UBE3C: variants seen among roughly 807,000 people sequenced by gnomAD.
The protein encoded by UBE3C is ubiquitin protein ligase E3C.
UBE3C carries 42 observed loss-of-function variants against 129.4 expected under a neutral mutation model. The observed-to-expected ratio is 0.32, with a 90% confidence interval of 0.25 to 0.42. The LOEUF is 0.42. UBE3C is among the 10% of genes least tolerant of loss of function. UBE3C has a pLI of 1.00. For missense variants in UBE3C, 1,049 were observed against 1,319.1 expected (o/e 0.80, Z 3.17); for synonymous variants, 510 against 492.4 (o/e 1.04, Z -0.47).
intron 1 of UBE3C, among the ~76,000 whole-genome samples, chr7:157,160,571 A>T (rs1228038226): frequency 6.6e-6 from 1 of 152,214 alleles, no homozygotes; most frequent in Non-Finnish European, 1.5e-5. Context: ...GGTACCAAGT[A>T]GTAGTTCATT....
intron 13 of UBE3C, among the ~76,000 whole-genome samples, chr7:157,208,313 G>C (rs1447765773): frequency 6.6e-6 from 1 of 151,820 alleles, no homozygotes; most frequent in East Asian, 1.9e-4. Flanking sequence ...TGGCCTCATG[G>C]ATTCCTCCTG....
Position 157,246,454 on chromosome 7 carries a change from T to TG in UBE3C, c.2482-1912dup, listed in dbSNP as rs1796479395. ...TACAGTGCATGATATGGTTGGGTGATGGCCTCTAGGTTGGAAGGGTGACTT... is the reference window on the plus strand; with the variant it reads ...TACAGTGCATGATATGGTTGGGTGATGGGCCTCTAGGTTGGAAGGGTGACTT... On this transcript the variant is annotated intron_variant, in intron 18 of 22. Coordinates refer to ENST00000348165, the MANE Select transcript of UBE3C (RefSeq NM_014671.3). 2.6e-5 allele frequency among the ~76,000 whole-genome samples: 4 copies of TG among 152,342 alleles called. No individual in the cohort carries two copies. In the South Asian group the frequency reaches 8.3e-4, roughly 32 times the overall value.
intron 22 of UBE3C, among the ~76,000 whole-genome samples, chr7:157,260,002 G>A (rs1374914004): frequency 6.6e-6 from 1 of 152,108 alleles, no homozygotes; most frequent in African/African-American, 2.4e-5. Flanking sequence ...GTCAATCATC[G>A]ACGCCGTTAT....
rs56270719 is a variant in UBE3C, at chr7:157,245,992, CAAA to C, written c.2482-2356_2482-2354del. Among the ~76,000 whole-genome samples the C allele has an allele frequency of 3.6e-4, 31 of 85,590 alleles. 2 individuals are homozygous for C. The South Asian group carries it at 8.9e-3, about 25-fold the overall frequency. The allele number at this position is 85,590 out of a possible 152,430, so 56.2% of individuals were successfully genotyped here. On this transcript the variant is annotated intron_variant, in intron 18 of 22. Coordinates refer to ENST00000348165, the MANE Select transcript of UBE3C (RefSeq NM_014671.3). The stretch of plus-strand genomic sequence containing the variant: ...CGGGCAACAGAGGGAGACTCCGTCT[CAAA>C]AAAAAAAAAAAAAAAAAAACAGTGT...
intron 19 of UBE3C, among the ~76,000 whole-genome samples, chr7:157,253,106 T>A (rs1172230050): frequency 6.6e-6 from 1 of 152,272 alleles, no homozygotes; most frequent in Non-Finnish European, 1.5e-5. Flanking sequence ...AAATTATGAT[T>A]ACATGTTTAT....
intron 2 of UBE3C, among the ~76,000 whole-genome samples, chr7:157,164,797 G>A (rs555370167): frequency 2.0e-5 from 3 of 152,102 alleles, no homozygotes; most frequent in Admixed American, 6.6e-5. Flanking sequence ...GGTTCCTGCC[G>A]TGAACCAGGA....
chr7:157,242,514 GT>G (rs33913991), intron 18 of UBE3C, among the ~76,000 whole-genome samples: 1,892 of 112,120 alleles, frequency 0.017, 17 homozygotes, highest in Non-Finnish European at 0.026. Context: ...AGCCTGAGTT[GT>G]TTTTTTTTTT....
At chr7:157,250,361 G>GT (rs1210849385) in intron 19 of UBE3C, among the ~76,000 whole-genome samples, 4 of 152,084 alleles carry the variant, frequency 2.6e-5, no homozygotes, top group Non-Finnish European at 4.4e-5. Flanking sequence ...TAATTTTTGT[G>GT]TTTTTTGTAG....
chr7:157,187,877 T>TCATAGTAC (rs1270403545), intron 10 of UBE3C, among the ~76,000 whole-genome samples: 32 of 152,220 alleles, frequency 2.1e-4, no homozygotes, highest in African/African-American at 7.7e-4. Context: ...CACCCAGCCT[T>TCATAGTAC]CATAGTACCC....
chr7:157,263,897 T>C (rs1256859632), intron 22 of UBE3C, among the ~76,000 whole-genome samples: 1 of 152,068 alleles, frequency 6.6e-6, no homozygotes, highest in Admixed American at 6.6e-5. Context: ...AGTATGTGTT[T>C]TATCTACCTA....
intron 1 of UBE3C, chr7:157,140,026 T>C: frequency 1.0e-6 from 1 of 985,406 alleles, no homozygotes; most frequent in Non-Finnish European, 1.2e-6. Flanking sequence ...ATGGTAATTG[T>C]TTAGGATAAG....
chr7:157,239,042 G>A (rs1796225529), intron 18 of UBE3C, among the ~76,000 whole-genome samples: 1 of 152,212 alleles, frequency 6.6e-6, no homozygotes, highest in Non-Finnish European at 1.5e-5. Context: ...AACCTCAGCA[G>A]ATGGGCTGAA....
chr7:157,267,353 CA>C lies in UBE3C; in HGVS notation c.3082-231del, dbSNP rs559507462. On this transcript the variant is annotated intron_variant, in intron 22 of 22. Transcript: ENST00000348165. The stretch of plus-strand genomic sequence containing the variant: ...AGGAGAATCGCTTGAACCTGGGAGG[CA>C]GAGGTTGCAGTGAGCTGAGATGGCG... Among the ~76,000 whole-genome samples, 289 of 152,280 alleles carry C rather than the reference CA, an allele frequency of 1.9e-3. 1 individual carries two copies. The highest frequency in any genetic ancestry group is 6.8e-3 in the African/African-American group (282 of 41,562).
intron 1 of UBE3C, among the ~76,000 whole-genome samples, chr7:157,142,112 T>C (rs1807469851): frequency 6.6e-6 from 1 of 152,230 alleles, no homozygotes; most frequent in South Asian, 2.1e-4. Context: ...GTTTTAATTT[T>C]GTTTCCTGAC....
chr7:157,238,523 T>G (rs1796211370), intron 18 of UBE3C, among the ~76,000 whole-genome samples: 1 of 152,126 alleles, frequency 6.6e-6, no homozygotes, highest in African/African-American at 2.4e-5. Context: ...GGGAACCACC[T>G]GGGTTCTGTT....
chr7:157,149,151 G>A (rs1807688312), intron 1 of UBE3C, among the ~76,000 whole-genome samples: 1 of 152,082 alleles, frequency 6.6e-6, no homozygotes, highest in Non-Finnish European at 1.5e-5. Context: ...CCGCCTGCCA[G>A]GTTCAAGCAA....
intron 18 of UBE3C, among the ~76,000 whole-genome samples, chr7:157,235,435 G>T (rs1053832807): frequency 6.6e-6 from 1 of 152,126 alleles, no homozygotes; most frequent in Non-Finnish European, 1.5e-5. Context: ...CTTCCTGAAT[G>T]TATAAATCAT....
intron 18 of UBE3C, among the ~76,000 whole-genome samples, chr7:157,238,916 G>A (rs1005102963): frequency 3.1e-4 from 47 of 152,216 alleles, no homozygotes; most frequent in African/African-American, 8.9e-4. Flanking sequence ...TTGAAAGGAA[G>A]AGAAAGGTGG....
In UBE3C at chr7:157,184,026, C is replaced by T. The variant is rs769247187; in HGVS notation, c.1140C>T (p.Ser380=). The part of the protein sequence containing the change: ...EESEEADKPS[S]PEDGRLSVSY... ...GTGAAGAAGCCGACAAGCCCTCAAGCCCGGTAAGCCCCGTGCCCTGCATCT... is the reference window on the plus strand; with the variant it reads ...GTGAAGAAGCCGACAAGCCCTCAAGTCCGGTAAGCCCCGTGCCCTGCATCT... The change falls in exon 9 of 23, where the codon AGC becomes AGT. Residue 380 remains serine, a synonymous_variant. Coordinates refer to ENST00000348165, the MANE Select transcript of UBE3C (RefSeq NM_014671.3). The T allele has an allele frequency of 7.4e-6, 12 of 1,613,874 alleles. No homozygotes were observed. Among genetic ancestry groups the T allele is most frequent in the Non-Finnish European group, 1.0e-5 (12 of 1,179,922 alleles).
Sources: allele counts gnomAD v4.1 joint callset (sites outside exome capture counted in the v4.1 genomes callset), GRCh38; gene constraint gnomAD v4.1.1; transcripts MANE v1.5; gene names NCBI Gene and HGNC (gene_info 2026-07-23, HGNC 2026-07-21).